The following ASXL3 variants were observed in gnomAD, a reference collection of about 807,000 sequenced individuals.
ASXL3 encodes the protein putative Polycomb group protein ASXL3.
A neutral mutation model predicts 170.6 loss-of-function variants in ASXL3; 34 were observed. The observed-to-expected ratio is 0.20, with a 90% confidence interval of 0.15 to 0.27. The LOEUF (loss-of-function observed/expected upper bound fraction) is 0.27, where lower values mean the gene tolerates loss of function less well. Ranked by LOEUF, ASXL3 falls within the 10% of genes least tolerant of loss-of-function variation. The pLI is 1.00. For missense variants in ASXL3, 2,592 were observed against 2,695.3 expected, an observed-to-expected ratio of 0.96 and a Z score of 0.85; for synonymous variants, 1,002 against 989.1, an observed-to-expected ratio of 1.01 and a Z score of -0.24.
chr18:33,667,422 G>A (rs970345340), intron 5 of ASXL3, among the ~76,000 whole-genome samples: 4 of 152,120 alleles, frequency 2.6e-5, no homozygotes, highest in African/African-American at 7.2e-5. Context: ...ATAAGTCCTC[G>A]AATCTAATTT....
intron 1 of ASXL3, among the ~76,000 whole-genome samples, chr18:33,581,013 AT>A (rs1199802551): frequency 6.6e-6 from 1 of 152,268 alleles, no homozygotes; most frequent in East Asian, 1.9e-4. Context: ...GAAAGGAGAA[AT>A]TGATCCATTT....
chr18:33,667,792 C>T (rs2066282053), intron 5 of ASXL3, among the ~76,000 whole-genome samples: 1 of 152,146 alleles, frequency 6.6e-6, no homozygotes, highest in Non-Finnish European at 1.5e-5. Flanking sequence ...CATGTATTTC[C>T]TTGTCAATCC....
chr18:33,633,998 A>G (rs2065727082), intron 2 of ASXL3, among the ~76,000 whole-genome samples: 1 of 152,178 alleles, frequency 6.6e-6, no homozygotes, highest in South Asian at 2.1e-4. Flanking sequence ...ATATATGCAT[A>G]TATATGAATG....
chr18:33,638,133 G>A (rs1386249994), intron 2 of ASXL3, among the ~76,000 whole-genome samples: 1 of 148,538 alleles, frequency 6.7e-6, no homozygotes, highest in Non-Finnish European at 1.5e-5. Flanking sequence ...CATGTGTATA[G>A]TATATATATA....
chr18:33,722,360 A>C (rs1264054627), intron 8 of ASXL3, among the ~76,000 whole-genome samples: 1 of 152,130 alleles, frequency 6.6e-6, no homozygotes, highest in African/African-American at 2.4e-5. Context: ...GGAAAGGAAA[A>C]GTTCTTGAGG....
rs1175566513 is a variant in ASXL3 at position 33,744,798 on chromosome 18, G to A, written c.4950G>A (p.Leu1650=). Residue 1650 remains leucine (L), a synonymous_variant, in exon 12 of 12, where the codon TTG becomes TTA. Transcript: ENST00000269197. ...KAIKTEHANY[L]NVSELHPRNL... ...TCAAAACTGAACATGCCAACTACTT[G>A]AACGTGTCAGAACTTCATCCCAGGA... is the stretch of plus-strand genomic sequence containing the variant. 1 of 1,614,016 alleles carries A rather than the reference G, an allele frequency of 6.2e-7. No homozygotes were observed. Among genetic ancestry groups the A allele is most frequent in the Non-Finnish European group, 8.5e-7 (1 of 1,179,894 alleles).
At chr18:33,689,602 A>T (rs1295728290) in intron 8 of ASXL3, among the ~76,000 whole-genome samples, 1 of 152,152 alleles carries the variant, frequency 6.6e-6, no homozygotes, top group Non-Finnish European at 1.5e-5. Flanking sequence ...TCCTACTCAG[A>T]TTCAGATTAT....
chr18:33,739,711 A>G lies in ASXL3; in HGVS notation c.2307A>G (p.Arg769=), dbSNP rs9946495. 5,681 of 1,613,886 alleles carry G rather than the reference A, an allele frequency of 3.5e-3. 190 individuals carry two copies. In the African/African-American group the frequency reaches 0.066, roughly 19 times the overall value. The change falls in exon 11 of 12, where the codon AGA becomes AGG. Residue 769 remains arginine (R), a synonymous_variant. Transcript: ENST00000269197. The part of the protein sequence containing the change: ...SINERMAHQQ[R]KSPSVSEEPL... ...ATGAGAGAATGGCACATCAGCAAAG[A>G]AAGTCACCTTCTGTATCTGAAGAGC...
chr18:33,689,068 A>G (rs567978078), intron 8 of ASXL3, among the ~76,000 whole-genome samples: 1 of 151,864 alleles, frequency 6.6e-6, no homozygotes, highest in South Asian at 2.1e-4. Flanking sequence ...ATCTCCGCTC[A>G]CAGCAACATC....
intron 1 of ASXL3, among the ~76,000 whole-genome samples, chr18:33,601,388 A>G (rs767175524): frequency 2.0e-5 from 3 of 152,086 alleles, no homozygotes; most frequent in East Asian, 3.9e-4. Flanking sequence ...AGTCCTCACA[A>G]TATTTTTGTG....
intron 11 of ASXL3, among the ~76,000 whole-genome samples, chr18:33,741,273 AAGAT>A (rs796353081): frequency 8.5e-5 from 13 of 152,288 alleles, no homozygotes; most frequent in African/African-American, 2.9e-4. Flanking sequence ...ACTTTATGTA[AAGAT>A]AGATAGATAA....
intron 4 of ASXL3, among the ~76,000 whole-genome samples, chr18:33,649,955 C>CA (rs2065972394): frequency 6.6e-6 from 1 of 152,012 alleles, no homozygotes; most frequent in African/African-American, 2.4e-5. Context: ...TGTGTGCACT[C>CA]AAGAGTTGCC....
intron 8 of ASXL3, among the ~76,000 whole-genome samples, chr18:33,723,860 C>T (rs1036506108): frequency 1.3e-5 from 2 of 152,158 alleles, no homozygotes; most frequent in Admixed American, 6.5e-5. Context: ...CAGCCACCAG[C>T]CACCCTGATC....
chr18:33,691,888 A>G (rs1177050625), intron 8 of ASXL3, among the ~76,000 whole-genome samples: 5 of 152,202 alleles, frequency 3.3e-5, no homozygotes, highest in African/African-American at 1.2e-4. Context: ...GTATACTGCT[A>G]GGTCTTCTAC....
Position 33,745,690 on chromosome 18 carries a change from T to C in ASXL3, c.5842T>C (p.Leu1948=), listed in dbSNP as rs993388927. The change falls in exon 12 of 12, where the codon TTA becomes CTA. Residue 1948 remains leucine (L), a synonymous_variant. Coordinates refer to ENST00000269197, the MANE Select transcript of ASXL3 (RefSeq NM_030632.3). Reference sequence around the variant, plus strand: ...GGGCCCCATTCCTACTGCAGCTCTGTTACAGGCCTCTTCCAAGACCCCAGT... The same window carrying C: ...GGGCCCCATTCCTACTGCAGCTCTGCTACAGGCCTCTTCCAAGACCCCAGT... ...ARGPIPTAAL[L]QASSKTPVGC... 35 of 1,613,900 alleles carry C rather than the reference T, an allele frequency of 2.2e-5. No homozygotes were observed. Among genetic ancestry groups the C allele is most frequent in the Non-Finnish European group, 3.0e-5 (35 of 1,179,904 alleles).
chr18:33,585,989 T>A (rs58652793), intron 1 of ASXL3, among the ~76,000 whole-genome samples: 1 of 146,568 alleles, frequency 6.8e-6, no homozygotes, highest in African/African-American at 2.8e-5. Context: ...TTTAAAAAAA[T>A]CAAAGTCAAT....
At chr18:33,631,649 C>A (rs1287699395) in intron 2 of ASXL3, among the ~76,000 whole-genome samples, 1 of 152,036 alleles carries the variant, frequency 6.6e-6, no homozygotes, top group Non-Finnish European at 1.5e-5. Flanking sequence ...TAAATGTTCG[C>A]TGCTGATATC....
At chr18:33,597,757 T>C (rs2065141938) in intron 1 of ASXL3, among the ~76,000 whole-genome samples, 2 of 149,132 alleles carry the variant, frequency 1.3e-5, no homozygotes. Context: ...GAATTAAAAG[T>C]GAATTAATGT....
chr18:33,643,184 C>T (rs754933560), intron 2 of ASXL3, among the ~76,000 whole-genome samples: 2 of 151,704 alleles, frequency 1.3e-5, no homozygotes, highest in Admixed American at 1.3e-4. Flanking sequence ...ATTTTCTATG[C>T]TTTTGTCTGA....
Sources: gnomAD v4.1 joint callset for allele counts (sites outside exome capture counted in the v4.1 genomes callset) on GRCh38, gnomAD v4.1.1 for gene constraint, MANE v1.5 for transcripts, NCBI Gene and HGNC (gene_info 2026-07-23, HGNC 2026-07-21) for gene names.